BRIX1: variants seen among roughly 807,000 people sequenced by gnomAD.
BRIX1 encodes the protein ribosome biogenesis protein BRX1 homolog.
In BRIX1, 15 loss-of-function variants were observed where a neutral mutation model predicts 44.0. That is an observed-to-expected ratio of 0.34 (90% CI 0.23 to 0.53). The LOEUF (loss-of-function observed/expected upper bound fraction) is 0.53. BRIX1 is among the 20% of genes least tolerant of loss of function. BRIX1 has a pLI of 0.95. For synonymous variants in BRIX1, 149 were observed against 135.4 expected (o/e 1.10, Z -0.70); for missense variants, 420 against 432.8 (o/e 0.97, Z 0.26).
chr5:34,925,131 T>C, intron 9 of BRIX1, 95 bp from the exon 10 acceptor site: 1 of 1,444,968 alleles, frequency 6.9e-7, no homozygotes, highest in Non-Finnish European at 9.2e-7. Context: ...TGACACTGGC[T>C]GAAAGGATAT....
chr5:34,920,112 A>G (rs1764209229), intron 3 of BRIX1: 2 of 338,460 alleles, frequency 5.9e-6, no homozygotes, highest in Non-Finnish European at 1.1e-5. Flanking sequence ...CCTCAGGAGA[A>G]GGATTATGTC....
intron 3 of BRIX1, 29 bp from the exon 4 acceptor site, chr5:34,922,188 T>C (rs778000657): frequency 3.9e-6 from 5 of 1,283,934 alleles, no homozygotes; most frequent in South Asian, 3.9e-5. Flanking sequence ...TATTATCTAC[T>C]TCATTTTCCT....
intron 1 of BRIX1, among the ~76,000 whole-genome samples, chr5:34,917,056 C>T (rs1438607683): frequency 6.6e-6 from 1 of 151,676 alleles, no homozygotes; most frequent in Non-Finnish European, 1.5e-5. Flanking sequence ...GATAAAGAAT[C>T]ATGAAGGATT....
chr5:34,924,998 A>G lies in BRIX1; in HGVS notation c.792+23A>G, dbSNP rs145173390. On this transcript the variant is annotated intron_variant, in intron 9 of 9. Transcript: ENST00000336767. ...ATGGTAAGCGGTTGTGTCATTCAGT[A>G]GTCTTCAATGTACCAGAACCCTTTG... is the stretch of plus-strand genomic sequence containing the variant. The G allele has an allele frequency of 5.5e-4, 881 of 1,609,508 alleles. 2 individuals are homozygous for G. In the African/African-American group the frequency reaches 0.01, roughly 19 times the overall value.
At position 34,923,606 on chromosome 5, in the gene BRIX1, G is replaced by A. The variant is rs114767546; in HGVS notation, c.663+372G>A. Among the ~76,000 whole-genome samples the A allele has an allele frequency of 8.0e-3, 1,216 of 152,032 alleles. 11 individuals carry two copies. The highest frequency in any genetic ancestry group is 0.025 in the African/African-American group (1,031 of 41,446). On this transcript the variant is annotated intron_variant, in intron 8 of 9. Coordinates refer to ENST00000336767, the MANE Select transcript of BRIX1 (RefSeq NM_018321.4). ...TTTTTTTTTTTAGAGATAGAGTGTC[G>A]CAGTGTTGCCTAGGTTGGCCTTGAA...
intron 8 of BRIX1, among the ~76,000 whole-genome samples, chr5:34,924,341 G>T (rs906309601): frequency 2.0e-5 from 3 of 152,200 alleles, no homozygotes; most frequent in Non-Finnish European, 4.4e-5. Context: ...GGGTAGACAT[G>T]CCTGAACTAA....
rs1442747513 is a variant in BRIX1 at position 34,922,204 on chromosome 5, T to G, written c.316-13T>G. On this transcript the variant is annotated splice_polypyrimidine_tract_variant and intron_variant, in intron 3 of 9. Coordinates refer to ENST00000336767, the MANE Select transcript of BRIX1 (RefSeq NM_018321.4). ...ATTATCTACTTCATTTTCCTATACT[T>G]TGCTTCCTTTAGGTTTGTGAAATGA... is the stretch of plus-strand genomic sequence containing the variant. The G allele has an allele frequency of 6.8e-7, 1 of 1,480,894 alleles. No homozygotes were observed. The highest frequency in any genetic ancestry group is 1.9e-5 in the Admixed American group (1 of 52,750). The allele number at this position is 1,480,894 out of a possible 1,614,324, so 91.7% of individuals were successfully genotyped here.
intron 9 of BRIX1, 97 bp downstream of exon 9, chr5:34,925,072 G>T: frequency 6.7e-7 from 1 of 1,497,044 alleles, no homozygotes; most frequent in Non-Finnish European, 8.9e-7. Flanking sequence ...CTGTGAAACT[G>T]AATTTGGTTT....
intron 1 of BRIX1, 78 bp from the exon 2 acceptor site, chr5:34,918,286 C>A: frequency 1.4e-6 from 1 of 717,506 alleles, no homozygotes; most frequent in Admixed American, 2.5e-5. Flanking sequence ...GCCTGGGCAA[C>A]AGTGTGAGAC....
chr5:34,925,039 T>A (rs1385865156), intron 9 of BRIX1, 64 bp downstream of exon 9: 2 of 1,551,940 alleles, frequency 1.3e-6, no homozygotes, highest in Non-Finnish European at 1.7e-6. Context: ...AATGATTCTG[T>A]GAAGTAATTG....
intron 8 of BRIX1, among the ~76,000 whole-genome samples, chr5:34,924,364 A>G (rs575350282): frequency 2.0e-5 from 3 of 152,230 alleles, no homozygotes; most frequent in Non-Finnish European, 2.9e-5. Context: ...GATAACATAA[A>G]TATTTGTTGT....
rs757412307 is a variant in BRIX1 at position 34,915,758 on chromosome 5, A to G, written c.20A>G (p.Lys7Arg). MAATKR[K>R]RRGGFAVQAK... is the part of the protein sequence containing the mutation. Reference sequence around the variant, plus strand: ...GGCAAGATGGCGGCAACCAAGAGGAAACGGCGTGGAGGCTTTGCAGTTCAG... The same window carrying G: ...GGCAAGATGGCGGCAACCAAGAGGAGACGGCGTGGAGGCTTTGCAGTTCAG... Residue 7 changes from lysine (K) to arginine (R), a missense_variant, in exon 1 of 10, where the codon AAA becomes AGA. Transcript: ENST00000336767. 4 of 1,603,580 alleles carry G rather than the reference A, an allele frequency of 2.5e-6. No homozygotes were observed. In the East Asian group the frequency reaches 6.7e-5, roughly 27 times the overall value.
chr5:34,922,327 G>T lies in BRIX1; in HGVS notation c.386+40G>T, dbSNP rs758074959. ...TAAGATTTTGGTTAAACTCATTTAAGTGGATTTGTTCTTTGTACCTTTTAT... is the reference window on the plus strand; with the variant it reads ...TAAGATTTTGGTTAAACTCATTTAATTGGATTTGTTCTTTGTACCTTTTAT... On this transcript the variant is annotated intron_variant, in intron 4 of 9. Transcript: ENST00000336767. 5.5e-6 allele frequency: 7 copies of T among 1,275,224 alleles called. 1 individual carries two copies. The South Asian group carries it at 9.0e-5, about 16-fold the overall frequency. The allele number at this position is 1,275,224 out of a possible 1,614,324, so 79.0% of individuals were successfully genotyped here. A position where few individuals can be genotyped will look rare whatever the true frequency, so the allele number is the denominator to read the frequency against.
intron 7 of BRIX1, 38 bp downstream of exon 7, chr5:34,923,089 G>A (rs752891417): frequency 6.4e-7 from 1 of 1,564,046 alleles, no homozygotes; most frequent in Non-Finnish European, 8.8e-7. Flanking sequence ...AAATATACAT[G>A]ATATATCTTG....
At position 34,925,849 on chromosome 5, in the gene BRIX1, G is replaced by A; in HGVS notation, c.*354G>A. 5.8e-6 allele frequency: 1 copy of A among 173,230 alleles called. No individual in the cohort carries two copies. The highest frequency in any genetic ancestry group is 1.2e-5 in the Non-Finnish European group (1 of 81,880). The allele number at this position is 173,230 out of a possible 1,614,324, so 10.7% of individuals were successfully genotyped here. ...ACTTCAAGAGCATCGGTTGTGGATG[G>A]TAAAGTAGGAGTAGACTGGTAGAAA... is the stretch of plus-strand genomic sequence containing the variant. On this transcript the variant is annotated 3_prime_UTR_variant, in exon 10 of 10. Coordinates refer to ENST00000336767, the MANE Select transcript of BRIX1 (RefSeq NM_018321.4).
chr5:34,925,079 G>A, intron 9 of BRIX1, 104 bp downstream of exon 9: 1 of 1,484,458 alleles, frequency 6.7e-7, no homozygotes, highest in Non-Finnish European at 9.0e-7. Flanking sequence ...ACTGAATTTG[G>A]TTTTTGCTGC....
Position 34,924,905 on chromosome 5 carries a change from T to C in BRIX1, c.722T>C (p.Ile241Thr). 6.2e-7 allele frequency: 1 copy of C among 1,610,422 alleles called. No homozygotes were observed. The highest frequency in any genetic ancestry group is 8.5e-7 in the Non-Finnish European group (1 of 1,176,682). The change falls in exon 9 of 10, where the codon ATA becomes ACA. Residue 241 changes from isoleucine (I) to threonine (T), a missense_variant. Ile to Thr is a moderately conservative substitution (Grantham distance 89). Coordinates refer to ENST00000336767, the MANE Select transcript of BRIX1 (RefSeq NM_018321.4). ...GGACCTCGTTTTGTCTTAAATCTCA[T>C]AAAGATTTTCCAGGGAAGTTTTGGA... is the stretch of plus-strand genomic sequence containing the variant. ...EIGPRFVLNL[I>T]KIFQGSFGGP...
chr5:34,924,613 T>C (rs1221929996), intron 8 of BRIX1, among the ~76,000 whole-genome samples: 2 of 152,226 alleles, frequency 1.3e-5, no homozygotes, highest in Non-Finnish European at 2.9e-5. Flanking sequence ...AACCAAAATC[T>C]AATTACTCAA....
rs775441795 is a variant in BRIX1, at chr5:34,922,542, T to C, written c.390T>C (p.Leu130=). 2 of 1,605,366 alleles carry C rather than the reference T, an allele frequency of 1.2e-6. No individual in the cohort carries two copies. The highest frequency in any genetic ancestry group is 1.7e-6 in the Non-Finnish European group (2 of 1,172,684). ...AKKKQDLYMW[L]SNSPHGPSAK... The stretch of plus-strand genomic sequence containing the variant: ...AAGCTTACTCCATATCTTTCAGGCT[T>C]TCAAATTCACCTCACGGACCATCTG... The change falls in exon 5 of 10, where the codon CTT becomes CTC. Residue 130 remains leucine (L), a synonymous_variant. Transcript: ENST00000336767.
Sources: gnomAD v4.1 joint callset for allele counts (sites outside exome capture counted in the v4.1 genomes callset) on GRCh38, gnomAD v4.1.1 for gene constraint, MANE v1.5 for transcripts, NCBI Gene and HGNC (gene_info 2026-07-23, HGNC 2026-07-21) for gene names.